The following PDZRN4 variants were observed in gnomAD, a reference collection of about 807,000 sequenced individuals.
PDZRN4 encodes the protein PDZ domain-containing RING finger protein 4.
PDZRN4 carries 70 observed loss-of-function variants against 99.0 expected under a neutral mutation model. The ratio of observed to expected loss-of-function variants is 0.71; its 90% CI spans 0.58 to 0.86. The LOEUF is 0.86. Among genes scored for constraint, PDZRN4 ranks in the 40% least tolerant of loss-of-function variants. The pLI is 0.00. For synonymous variants in PDZRN4, 551 were observed against 501.6 expected (o/e 1.10, Z -1.32); for missense variants, 1,474 against 1,331.2 (o/e 1.11, Z -1.67).
At chr12:41,497,931 C>T (rs1303878286) in intron 3 of PDZRN4, among the ~76,000 whole-genome samples, 1 of 151,994 alleles carries the variant, frequency 6.6e-6, no homozygotes, top group Non-Finnish European at 1.5e-5. Flanking sequence ...TAAATGATTA[C>T]AGCATGAATC....
intron 3 of PDZRN4, among the ~76,000 whole-genome samples, chr12:41,454,109 A>C (rs866207389): frequency 6.6e-6 from 1 of 151,794 alleles, no homozygotes; most frequent in African/African-American, 2.4e-5. Flanking sequence ...AATTAAATTG[A>C]CCATTGTTGT....
intron 3 of PDZRN4, among the ~76,000 whole-genome samples, chr12:41,348,648 A>G (rs896345411): frequency 1.3e-5 from 2 of 152,152 alleles, no homozygotes; most frequent in African/African-American, 4.8e-5. Flanking sequence ...GGAAACATAC[A>G]GAAAGCACTC....
At chr12:41,300,723 G>C (rs1326005698) in intron 3 of PDZRN4, among the ~76,000 whole-genome samples, 1 of 151,782 alleles carries the variant, frequency 6.6e-6, no homozygotes, top group Non-Finnish European at 1.5e-5. Context: ...TCACATACTG[G>C]TCAGCTGTAC....
At chr12:41,203,964 A>G (rs1465077404) in intron 3 of PDZRN4, among the ~76,000 whole-genome samples, 1 of 152,056 alleles carries the variant, frequency 6.6e-6, no homozygotes, top group Non-Finnish European at 1.5e-5. Context: ...GTATATACCT[A>G]ACTTGAAAAG....
At chr12:41,442,515 C>A (rs1342828248) in intron 3 of PDZRN4, among the ~76,000 whole-genome samples, 1 of 152,114 alleles carries the variant, frequency 6.6e-6, no homozygotes, top group East Asian at 1.9e-4. Context: ...CACAGCAGAT[C>A]CTCATTAGGA....
At chr12:41,531,229 A>C (rs1444833947) in intron 5 of PDZRN4, among the ~76,000 whole-genome samples, 2 of 152,102 alleles carry the variant, frequency 1.3e-5, no homozygotes, top group African/African-American at 4.8e-5. Context: ...AGCTCTCAGG[A>C]GATGAGGGAG....
At chr12:41,499,271 G>A (rs1019271446) in intron 3 of PDZRN4, among the ~76,000 whole-genome samples, 4 of 152,108 alleles carry the variant, frequency 2.6e-5, no homozygotes, top group African/African-American at 9.7e-5. Flanking sequence ...TGGGTAAAAA[G>A]AGCAGATTGT....
chr12:41,533,651 T>A (rs1233293196), intron 5 of PDZRN4, among the ~76,000 whole-genome samples: 1 of 152,240 alleles, frequency 6.6e-6, no homozygotes, highest in Admixed American at 6.5e-5. Flanking sequence ...GTTTTTCTTC[T>A]AACTTCCTGA....
At chr12:41,233,825 A>C (rs890109672) in intron 3 of PDZRN4, among the ~76,000 whole-genome samples, 3 of 151,980 alleles carry the variant, frequency 2.0e-5, no homozygotes, top group African/African-American at 7.3e-5. Context: ...GCATTAGGAG[A>C]CATACCTAAT....
chr12:41,548,978 T>A (rs1455578662), intron 5 of PDZRN4, among the ~76,000 whole-genome samples: 3 of 152,210 alleles, frequency 2.0e-5, no homozygotes, highest in Admixed American at 6.5e-5. Flanking sequence ...TGATTTTTTT[T>A]AAAGAGACTT....
intron 3 of PDZRN4, among the ~76,000 whole-genome samples, chr12:41,340,799 AG>A (rs1286734226): frequency 6.6e-6 from 1 of 151,958 alleles, no homozygotes; most frequent in Non-Finnish European, 1.5e-5. Flanking sequence ...GATTTAAAGA[AG>A]AACTAATACT....
intron 3 of PDZRN4, among the ~76,000 whole-genome samples, chr12:41,476,732 C>T (rs1394377628): frequency 6.6e-6 from 1 of 152,182 alleles, no homozygotes; most frequent in African/African-American, 2.4e-5. Flanking sequence ...CAAGCCTGAG[C>T]ACCTAACGTC....
chr12:41,384,241 T>C (rs1361289629), intron 3 of PDZRN4, among the ~76,000 whole-genome samples: 2 of 152,128 alleles, frequency 1.3e-5, no homozygotes, highest in African/African-American at 4.8e-5. Context: ...AATCAGTTTA[T>C]AAATCTTTTT....
intron 3 of PDZRN4, among the ~76,000 whole-genome samples, chr12:41,297,439 A>G (rs929962059): frequency 2.6e-5 from 4 of 152,118 alleles, no homozygotes; most frequent in African/African-American, 9.7e-5. Context: ...CAGCTTCACT[A>G]TGTGTCCACA....
At chr12:41,512,814 G>A (rs1938330295) in intron 5 of PDZRN4, among the ~76,000 whole-genome samples, 1 of 152,068 alleles carries the variant, frequency 6.6e-6, no homozygotes, top group African/African-American at 2.4e-5. Context: ...CTGGAGGGCT[G>A]TGCCTCAGAG....
chr12:41,276,519 T>G (rs1951350952), intron 3 of PDZRN4, among the ~76,000 whole-genome samples: 2 of 152,174 alleles, frequency 1.3e-5, no homozygotes, highest in African/African-American at 2.4e-5. Context: ...ATTTCATATA[T>G]TCATACATCA....
At chr12:41,333,138 G>A (rs1340303748) in intron 3 of PDZRN4, among the ~76,000 whole-genome samples, 1 of 152,128 alleles carries the variant, frequency 6.6e-6, no homozygotes, top group Admixed American at 6.5e-5. Context: ...TGGAAATTGA[G>A]AAAATCAATA....
At chr12:41,211,189 A>C (rs905081173) in intron 3 of PDZRN4, among the ~76,000 whole-genome samples, 3 of 151,982 alleles carry the variant, frequency 2.0e-5, no homozygotes, top group South Asian at 2.1e-4. Flanking sequence ...TAATTACCTT[A>C]TTGAAAGAAT....
At position 41,224,465 on chromosome 12, in the gene PDZRN4, C is replaced by A. The variant is rs149689058; in HGVS notation, c.843+30277C>A. The stretch of plus-strand genomic sequence containing the variant: ...AGCTGGGGTATGAACAAGAGTGGAA[C>A]TTTTCCTGTGCATGACACTTGATAA... On this transcript the variant is annotated intron_variant, in intron 3 of 9. Coordinates refer to ENST00000402685, the MANE Select transcript of PDZRN4 (RefSeq NM_001164595.2). Among the ~76,000 whole-genome samples the A allele has an allele frequency of 9.3e-3, 1,409 of 152,230 alleles. 15 individuals carry two copies. The highest frequency in any genetic ancestry group is 0.012 in the Non-Finnish European group (800 of 68,022).
Sources: allele counts gnomAD v4.1 joint callset (sites outside exome capture counted in the v4.1 genomes callset), GRCh38; gene constraint gnomAD v4.1.1; transcripts MANE v1.5; gene names NCBI Gene and HGNC (gene_info 2026-07-23, HGNC 2026-07-21).